Variants in SASH1 observed in about 807,000 individuals in gnomAD.
The protein encoded by SASH1 is SAM and SH3 domain-containing protein 1.
SASH1 carries 44 observed loss-of-function variants against 125.2 expected under a neutral mutation model. The ratio of observed to expected loss-of-function variants is 0.35; its 90% CI spans 0.28 to 0.45. The LOEUF (loss-of-function observed/expected upper bound fraction) is 0.45, where lower values mean the gene tolerates loss of function less well. Ranked by LOEUF, SASH1 falls within the 20% of genes least tolerant of loss-of-function variation. The pLI is 1.00. For synonymous variants in SASH1, 639 were observed against 649.1 expected, an observed-to-expected ratio of 0.98 and a Z score of 0.24; for missense variants, 1,426 against 1,614.5, an observed-to-expected ratio of 0.88 and a Z score of 2.00.
chr6:148,283,384 A>G, intron 1 of SASH1: 1 of 152,456 alleles, frequency 6.6e-6, no homozygotes, highest in Non-Finnish European at 1.5e-5. Context: ...GGTGGAATGT[A>G]GGCAGGGAGG....
the SASH1 span, among the ~76,000 whole-genome samples, chr6:148,265,318 AAGG>A: frequency 7.2e-6 from 1 of 137,982 alleles, no homozygotes; most frequent in Non-Finnish European, 1.6e-5. Context: ...AAGAAAGAAA[AAGG>A]AGGGAGGGAA....
At chr6:148,440,336 C>T (rs747716055) in intron 3 of SASH1, 22 bp from the exon 4 acceptor site, 1 of 1,613,336 alleles carries the variant, frequency 6.2e-7, no homozygotes, top group Non-Finnish European at 8.5e-7. Context: ...ACCACACTGA[C>T]TATACGAATC....
At chr6:148,243,780 G>A in the SASH1 span, among the ~76,000 whole-genome samples, 7 of 151,508 alleles carry the variant, frequency 4.6e-5, no homozygotes, top group Admixed American at 3.3e-4. Context: ...CTTTATAAAC[G>A]TGTTAGTAAT....
chr6:148,200,923 A>G, the SASH1 span, among the ~76,000 whole-genome samples: 26 of 152,254 alleles, frequency 1.7e-4, no homozygotes, highest in African/African-American at 6.3e-4. Context: ...TTCTGGGGAA[A>G]CTTTCTTCCT....
At chr6:148,387,625 TTTC>T (rs1783488303) in intron 1 of SASH1, among the ~76,000 whole-genome samples, 1 of 63,728 alleles carries the variant, frequency 1.6e-5, no homozygotes, top group East Asian at 3.0e-4. Context: ...TCTTTCTTTC[TTTC>T]TTTCTTTCTT....
chr6:148,243,655 A>C, the SASH1 span, among the ~76,000 whole-genome samples: 3 of 50,580 alleles, frequency 5.9e-5, no homozygotes, highest in South Asian at 5.5e-4. Flanking sequence ...GTGTCTCAAA[A>C]AAAAAAAAAA....
chr6:148,210,134 CAG>C, the SASH1 span, among the ~76,000 whole-genome samples: 1 of 152,224 alleles, frequency 6.6e-6, no homozygotes, highest in Non-Finnish European at 1.5e-5. Flanking sequence ...TGACTTTTCA[CAG>C]TGGCCAAGCC....
chr6:148,379,075 A>G (rs1783027621), intron 1 of SASH1, among the ~76,000 whole-genome samples: 1 of 152,174 alleles, frequency 6.6e-6, no homozygotes, highest in African/African-American at 2.4e-5. Flanking sequence ...ACAGTTTTCA[A>G]AATCTCTGTG....
chr6:148,505,826 C>T (rs1252244294), intron 8 of SASH1, among the ~76,000 whole-genome samples: 6 of 151,808 alleles, frequency 4.0e-5, no homozygotes, highest in Non-Finnish European at 8.8e-5. Context: ...TTAGTAGAGA[C>T]GGGGTTTCAC....
chr6:148,532,734 C>T lies in SASH1; in HGVS notation c.1565-63C>T, dbSNP rs1053735998. ...TCCTAATCTGCCATACCTTCAATAC[C>T]TTTCTGCTTTGCTGGGTGGGAAATC... On this transcript the variant is annotated intron_variant, in intron 13 of 19. Transcript: ENST00000367467. The surrounding 1 kb of genome is among the most constrained non-coding windows in gnomAD (Gnocchi z 4.7). 1.3e-6 allele frequency: 2 copies of T among 1,584,558 alleles called. No homozygotes were observed. Among genetic ancestry groups the T allele is most frequent in the Non-Finnish European group, 1.7e-6 (2 of 1,160,128 alleles).
chr6:148,271,360 G>C (rs1266027654), upstream of SASH1, among the ~76,000 whole-genome samples: 1 of 152,096 alleles, frequency 6.6e-6, no homozygotes, highest in Non-Finnish European at 1.5e-5. Flanking sequence ...ATGTAGCTCT[G>C]TTATGTCACA....
At position 148,495,192 on chromosome 6, in the gene SASH1, T is replaced by G. The variant is rs1000052515; in HGVS notation, c.729+7477T>G. Among the ~76,000 whole-genome samples the G allele has an allele frequency of 6.6e-6, 1 of 152,250 alleles. No individual in the cohort carries two copies. The highest frequency in any genetic ancestry group is 1.5e-5 in the Non-Finnish European group (1 of 68,040). On this transcript the variant is annotated intron_variant, in intron 8 of 19. Coordinates refer to ENST00000367467, the MANE Select transcript of SASH1 (RefSeq NM_015278.5). This position sits in a 1 kb window ranked among gnomAD's most constrained non-coding sequence, Gnocchi z 4.0. ...GGCAGAAGTTCCTTTTAAGTGGTTC[T>G]TGTGGCAAATGGCTTAATTTCCATT...
In SASH1 at chr6:148,380,049, G is replaced by C. The variant is rs150039805; in HGVS notation, c.157-10085G>C. Reference sequence around the variant, plus strand: ...TTAAAAATGTGGAGTTTTGGCAATAGCACCAAGAAACAGTTGCTTCAACCT... The same window carrying C: ...TTAAAAATGTGGAGTTTTGGCAATACCACCAAGAAACAGTTGCTTCAACCT... On this transcript the variant is annotated intron_variant, in intron 1 of 19. Coordinates refer to ENST00000367467, the MANE Select transcript of SASH1 (RefSeq NM_015278.5). The C allele has an allele frequency of 1.0e-3, 468 of 450,260 alleles. 4 individuals carry two copies. Among genetic ancestry groups the C allele is most frequent in the African/African-American group, 7.8e-3 (390 of 49,902 alleles). 27.9% of individuals were successfully genotyped at this position (450,260 alleles called of 1,614,324 possible).
intron 10 of SASH1, 77 bp from the exon 11 acceptor site, chr6:148,525,214 G>T (rs1358063082): frequency 9.3e-6 from 9 of 963,762 alleles, no homozygotes; most frequent in Non-Finnish European, 1.2e-5. Flanking sequence ...TCCTGCAAAC[G>T]GGGACTGCTG....
intron 16 of SASH1, among the ~76,000 whole-genome samples, chr6:148,537,325 A>ACTC (rs1028038847): frequency 2.6e-5 from 4 of 152,098 alleles, no homozygotes; most frequent in Non-Finnish European, 5.9e-5. Flanking sequence ...TTGGGAAAAG[A>ACTC]CTCTAATTGT....
intron 2 of SASH1, among the ~76,000 whole-genome samples, chr6:148,423,372 G>T (rs1775661547): frequency 6.6e-6 from 1 of 152,218 alleles, no homozygotes; most frequent in South Asian, 2.1e-4. Flanking sequence ...TTTAAAGATG[G>T]TTACACAATA....
the SASH1 span, among the ~76,000 whole-genome samples, chr6:148,220,324 C>T: frequency 4.0e-5 from 6 of 151,728 alleles, no homozygotes; most frequent in South Asian, 2.1e-4. Context: ...GCTCACATGG[C>T]GGAAGTGCAG....
At position 148,369,966 on chromosome 6, in the gene SASH1, CAAAAAAAAAA is replaced by C. The variant is rs562924566; in HGVS notation, c.157-20157_157-20148del. Among the ~76,000 whole-genome samples, 3 of 93,596 alleles carry C rather than the reference CAAAAAAAAAA, an allele frequency of 3.2e-5. No individual in the cohort carries two copies. The East Asian group carries it at 1.0e-3, about 33-fold the overall frequency. 61.4% of individuals were successfully genotyped at this position (93,596 alleles called of 152,430 possible). A position where few individuals can be genotyped will look rare whatever the true frequency, so the allele number is the denominator to read the frequency against. On this transcript the variant is annotated intron_variant, in intron 1 of 19. Transcript: ENST00000367467. ...GAGATTGTCTCAAAAAAAAGAAAAA[CAAAAAAAAAA>C]AAAAAAAAAAGGAAAGAAAAACCCA...
intron 8 of SASH1, chr6:148,508,418 G>T: frequency 1.0e-6 from 1 of 964,308 alleles, no homozygotes; most frequent in Non-Finnish European, 1.2e-6. Context: ...TCAGATTCTC[G>T]CGTTCTTTTT....
Sources: gnomAD v4.1 joint callset for allele counts (sites outside exome capture counted in the v4.1 genomes callset) on GRCh38, gnomAD v4.1.1 for gene constraint, Gnocchi (gnomAD v3.1) non-coding constraint, MANE v1.5 for transcripts, NCBI Gene and HGNC (gene_info 2026-07-23, HGNC 2026-07-21) for gene names.